BTG4: variants seen among roughly 807,000 people sequenced by gnomAD.
BTG4 encodes protein BTG4.
A neutral mutation model predicts 19.3 loss-of-function variants in BTG4; 10 were observed. The ratio of observed to expected loss-of-function variants is 0.52; its 90% CI spans 0.32 to 0.88. The LOEUF (loss-of-function observed/expected upper bound fraction) is 0.88, where lower values mean the gene tolerates loss of function less well. Among genes scored for constraint, BTG4 ranks in the 40% least tolerant of loss-of-function variants. The pLI, the probability that BTG4 is intolerant of heterozygous loss-of-function variation, is 0.04. For missense variants in BTG4, 238 were observed against 281.9 expected, an observed-to-expected ratio of 0.84 and a Z score of 1.11; for synonymous variants, 91 against 95.7, an observed-to-expected ratio of 0.95 and a Z score of 0.29.
intron 5 of BTG4, among the ~76,000 whole-genome samples, chr11:111,477,770 C>T (rs914052179): frequency 6.6e-6 from 1 of 152,076 alleles, no homozygotes; most frequent in Non-Finnish European, 1.5e-5. Flanking sequence ...ACCACAAAAG[C>T]CTGCTCTTTA....
downstream of BTG4, among the ~76,000 whole-genome samples, chr11:111,493,987 A>C (rs1405723181): frequency 6.6e-6 from 1 of 152,120 alleles, no homozygotes; most frequent in African/African-American, 2.4e-5. Flanking sequence ...CCCAAAGCAC[A>C]AGTCTACTCA....
chr11:111,430,074 T>C, the BTG4 span, among the ~76,000 whole-genome samples: 2 of 152,252 alleles, frequency 1.3e-5, no homozygotes, highest in African/African-American at 4.8e-5. Flanking sequence ...CATTGTCATG[T>C]GTTGTTAACC....
the BTG4 span, among the ~76,000 whole-genome samples, chr11:111,394,425 G>A: frequency 2.6e-5 from 4 of 152,254 alleles, no homozygotes; most frequent in Non-Finnish European, 4.4e-5. Flanking sequence ...AAGATCTGAC[G>A]GTTTTATAAG....
the BTG4 span, among the ~76,000 whole-genome samples, chr11:111,413,481 C>T: frequency 1.3e-5 from 2 of 152,344 alleles, no homozygotes; most frequent in South Asian, 4.1e-4. Flanking sequence ...GGTGCCCTCA[C>T]ATTCATTATC....
intron 1 of BTG4, among the ~76,000 whole-genome samples, chr11:111,505,564 G>A (rs1014658363): frequency 3.3e-5 from 5 of 151,884 alleles, no homozygotes; most frequent in African/African-American, 1.2e-4. Context: ...TATGGACATC[G>A]GCTTAGGCAA....
intron 2 of BTG4, 114 bp downstream of exon 2, chr11:111,498,490 G>T: frequency 2.2e-6 from 2 of 893,654 alleles, no homozygotes; most frequent in Non-Finnish European, 3.5e-6. Context: ...ATAAACTCGA[G>T]CCCATAAAAC....
At chr11:111,489,762 A>G (rs1042756311) in intron 5 of BTG4, among the ~76,000 whole-genome samples, 6 of 151,984 alleles carry the variant, frequency 3.9e-5, no homozygotes, top group Non-Finnish European at 8.8e-5. Context: ...GACAAATATT[A>G]TATGTTCTCA....
At chr11:111,483,325 T>C (rs1277790956) in intron 5 of BTG4, among the ~76,000 whole-genome samples, 2 of 152,136 alleles carry the variant, frequency 1.3e-5, no homozygotes, top group Non-Finnish European at 2.9e-5. Flanking sequence ...CAAACATTGA[T>C]GAGTGGCCAC....
At chr11:111,392,169 CTTTTTT>C in the BTG4 span, among the ~76,000 whole-genome samples, 8 of 85,396 alleles carry the variant, frequency 9.4e-5, no homozygotes, top group African/African-American at 1.9e-4. Context: ...CTGTGATTTT[CTTTTTT>C]TTTTTTTTTT....
In BTG4 at chr11:111,480,187, T is replaced by A. The variant is rs532390144; in HGVS notation, c.663-12506A>T. Among the ~76,000 whole-genome samples, 6 of 152,148 alleles carry A rather than the reference T, an allele frequency of 3.9e-5. No homozygotes were observed. In the South Asian group the frequency reaches 1.2e-3, roughly 32 times the overall value. Reference sequence around the variant, plus strand: ...AACATTAATCAAAAGAAAGCAGGAATGGCTATATTAATATCAGATAAAGCC... The same window carrying A: ...AACATTAATCAAAAGAAAGCAGGAAAGGCTATATTAATATCAGATAAAGCC... On this transcript the variant is annotated intron_variant, in intron 5 of 5. Transcript: ENST00000356018.
the BTG4 span, among the ~76,000 whole-genome samples, chr11:111,447,397 G>A: frequency 3.3e-5 from 5 of 152,270 alleles, no homozygotes; most frequent in African/African-American, 1.2e-4. Context: ...AACCATATGG[G>A]TCTCTGAAAC....
chr11:111,422,823 T>C, the BTG4 span, among the ~76,000 whole-genome samples: 1 of 152,262 alleles, frequency 6.6e-6, no homozygotes, highest in East Asian at 1.9e-4. Flanking sequence ...CATCCCCAGC[T>C]GGCAGCCAAT....
downstream of BTG4, among the ~76,000 whole-genome samples, chr11:111,490,133 T>A (rs569868245): frequency 1.5e-3 from 140 of 95,956 alleles, no homozygotes; most frequent in African/African-American, 4.5e-3. Context: ...AAAAAAAAAA[T>A]TAGCTGGGTG....
intron 1 of BTG4, among the ~76,000 whole-genome samples, chr11:111,506,447 G>T (rs1211156874): frequency 6.6e-6 from 1 of 151,986 alleles, no homozygotes; most frequent in Non-Finnish European, 1.5e-5. Flanking sequence ...ATGTGGAAAT[G>T]AAAATAGAGA....
the BTG4 span, chr11:111,416,355 A>G: frequency 2.0e-5 from 3 of 151,868 alleles, no homozygotes; most frequent in Non-Finnish European, 4.4e-5. Context: ...TCTGGCTCAC[A>G]CACACACACC....
At chr11:111,465,001 G>A (rs898790212), downstream of BTG4, among the ~76,000 whole-genome samples, 2 of 152,050 alleles carry the variant, frequency 1.3e-5, no homozygotes, top group Non-Finnish European at 2.9e-5. Context: ...CTAATGTAAA[G>A]GTGTGAGGCA....
the BTG4 span, among the ~76,000 whole-genome samples, chr11:111,424,737 C>A: frequency 2.6e-5 from 4 of 152,148 alleles, no homozygotes; most frequent in African/African-American, 9.7e-5. Context: ...GTGGGTAGAT[C>A]ACCTGAGGTC....
chr11:111,421,918 A>G, the BTG4 span, among the ~76,000 whole-genome samples: 3 of 152,104 alleles, frequency 2.0e-5, no homozygotes, highest in Non-Finnish European at 4.4e-5. Context: ...ATCAGACAAA[A>G]AAAAAGGCAG....
At chr11:111,441,696 T>C in the BTG4 span, among the ~76,000 whole-genome samples, 1 of 152,240 alleles carries the variant, frequency 6.6e-6, no homozygotes, top group Non-Finnish European at 1.5e-5. Flanking sequence ...GACTTGAATG[T>C]GTGACTAATC....
Sources: gnomAD v4.1 joint callset for allele counts (sites outside exome capture counted in the v4.1 genomes callset) on GRCh38, gnomAD v4.1.1 for gene constraint, MANE v1.5 for transcripts, NCBI Gene and HGNC (gene_info 2026-07-23, HGNC 2026-07-21) for gene names.